Variants in CFAP61 observed in about 807,000 individuals in gnomAD.
CFAP61 encodes cilia and flagella associated protein 61.
CFAP61 carries 107 observed loss-of-function variants against 135.6 expected under a neutral mutation model. The observed-to-expected ratio is 0.79, with a 90% confidence interval of 0.67 to 0.93. The LOEUF is 0.93. CFAP61 is among the 40% of genes least tolerant of loss of function. The probability of loss-of-function intolerance (pLI) is 0.00; values close to 1 mark genes in which losing one functional copy is unlikely to be tolerated. For missense variants in CFAP61, 1,507 were observed against 1,556.2 expected (o/e 0.97, Z 0.53); for synonymous variants, 575 against 578.5 (o/e 0.99, Z 0.09).
At chr20:20,328,476 G>C (rs866612257) in intron 25 of CFAP61, among the ~76,000 whole-genome samples, 89 of 152,102 alleles carry the variant, frequency 5.9e-4, no homozygotes, top group African/African-American at 1.9e-3. Flanking sequence ...ATTGGCCTTG[G>C]CCTTGACTTT....
intron 21 of CFAP61, among the ~76,000 whole-genome samples, chr20:20,269,556 G>C (rs1485905460): frequency 6.6e-6 from 1 of 152,050 alleles, no homozygotes; most frequent in African/African-American, 2.4e-5. Context: ...ATTTTTAGTA[G>C]AGATGGGGTT....
chr20:20,216,446 A>G (rs1011026752), intron 17 of CFAP61, among the ~76,000 whole-genome samples: 3 of 152,136 alleles, frequency 2.0e-5, no homozygotes, highest in African/African-American at 7.2e-5. Context: ...CAAAAGGGAG[A>G]ATTTCCCGAG....
chr20:20,222,789 A>C (rs1449214151), intron 17 of CFAP61, among the ~76,000 whole-genome samples: 1 of 152,196 alleles, frequency 6.6e-6, no homozygotes, highest in Non-Finnish European at 1.5e-5. Context: ...ATATTGCAAT[A>C]CTTTGCCTCA....
At chr20:20,219,114 A>G (rs566678667) in intron 17 of CFAP61, among the ~76,000 whole-genome samples, 5 of 152,210 alleles carry the variant, frequency 3.3e-5, no homozygotes, top group Non-Finnish European at 5.9e-5. Flanking sequence ...TAATATCGAA[A>G]TGACCAATCC....
chr20:20,207,390 A>G (rs142866437), intron 17 of CFAP61, among the ~76,000 whole-genome samples: 260 of 152,358 alleles, frequency 1.7e-3, no homozygotes, highest in Middle Eastern at 6.8e-3. Context: ...GGGGGAAAAA[A>G]AATGCATTCT....
At chr20:20,171,908 CGTA>C (rs1307946147) in intron 13 of CFAP61, 11 of 566,464 alleles carry the variant, frequency 1.9e-5, no homozygotes, top group African/African-American at 1.8e-4. Flanking sequence ...CTCGGAGCAC[CGTA>C]GCCACATTGC....
At position 20,359,301 on chromosome 20, in the gene CFAP61, ACTTTTCATATAGGAC is replaced by A. The variant is rs2059387281; in HGVS notation, c.3514-904_3514-890del. ...CTTCTTGGGAATTATAAGCAAGAAA[ACTTTTCATATAGGAC>A]CTTTCAAGTAAAAAGGTTTAATCAC... On this transcript the variant is annotated intron_variant, in intron 26 of 26. Coordinates refer to ENST00000245957, the MANE Select transcript of CFAP61 (RefSeq NM_015585.4). This position sits in a 1 kb window ranked among gnomAD's most constrained non-coding sequence, Gnocchi z 4.0. Among the ~76,000 whole-genome samples the A allele has an allele frequency of 6.6e-6, 1 of 152,194 alleles. No homozygotes were observed. Among genetic ancestry groups the A allele is most frequent in the Non-Finnish European group, 1.5e-5 (1 of 68,022 alleles).
intron 2 of CFAP61, among the ~76,000 whole-genome samples, chr20:20,060,601 T>C (rs549877809): frequency 6.6e-6 from 1 of 152,328 alleles, no homozygotes; most frequent in South Asian, 2.1e-4. Context: ...TGGTAAGTGG[T>C]GTGCAAACAG....
chr20:20,065,832 G>A (rs1411004605), intron 2 of CFAP61, among the ~76,000 whole-genome samples: 1 of 152,154 alleles, frequency 6.6e-6, no homozygotes, highest in Non-Finnish European at 1.5e-5. Flanking sequence ...CGGGGGGACA[G>A]AACTGTGCCC....
At chr20:20,335,661 T>C (rs2058160079) in intron 25 of CFAP61, among the ~76,000 whole-genome samples, 1 of 152,216 alleles carries the variant, frequency 6.6e-6, no homozygotes. Context: ...CTGATGTCCA[T>C]GGAACCACCC....
intron 9 of CFAP61, among the ~76,000 whole-genome samples, chr20:20,153,826 T>A (rs534037167): frequency 6.6e-6 from 1 of 151,998 alleles, no homozygotes; most frequent in Admixed American, 6.5e-5. Flanking sequence ...TTCCAGAAGA[T>A]AAAGAAAGAG....
chr20:20,178,054 C>T (rs1427183853), intron 13 of CFAP61, among the ~76,000 whole-genome samples: 2 of 152,182 alleles, frequency 1.3e-5, no homozygotes, highest in African/African-American at 4.8e-5. Context: ...TAATTTCATT[C>T]TTCTTCCCTT....
chr20:20,159,404 C>G lies in CFAP61; in HGVS notation c.986C>G (p.Ala329Gly). 1 of 1,613,994 alleles carries G rather than the reference C, an allele frequency of 6.2e-7. No homozygotes were observed. The highest frequency in any genetic ancestry group is 8.5e-7 in the Non-Finnish European group (1 of 1,179,868). The change falls in exon 10 of 27, where the codon GCT becomes GGT. Residue 329 changes from alanine (A) to glycine (G), a missense_variant. Transcript: ENST00000245957. ...GCCAGAGAAGCTGCATCCGAGGAAGCTTTAACAGCAGTCCAAAGTGGAAAT... is the reference window on the plus strand; with the variant it reads ...GCCAGAGAAGCTGCATCCGAGGAAGGTTTAACAGCAGTCCAAAGTGGAAAT... ...NIAREAASEE[A>G]LTAVQSGNVS...
chr20:20,300,049 A>G (rs996449415), intron 25 of CFAP61, among the ~76,000 whole-genome samples: 2 of 152,182 alleles, frequency 1.3e-5, no homozygotes, highest in Non-Finnish European at 2.9e-5. Context: ...AATGAAGCTG[A>G]AAAATTTCCA....
intron 25 of CFAP61, among the ~76,000 whole-genome samples, chr20:20,315,899 C>A (rs991138051): frequency 4.6e-5 from 7 of 152,198 alleles, no homozygotes; most frequent in African/African-American, 1.7e-4. Flanking sequence ...TGATCTGGAT[C>A]TCTGTTTTGG....
intron 25 of CFAP61, among the ~76,000 whole-genome samples, chr20:20,319,660 T>G (rs1005293450): frequency 2.0e-5 from 3 of 152,218 alleles, no homozygotes; most frequent in Admixed American, 2.0e-4. Flanking sequence ...GTGAGCCAAT[T>G]AAACCTCTTT....
intron 25 of CFAP61, among the ~76,000 whole-genome samples, chr20:20,305,116 C>T (rs1372874382): frequency 1.3e-5 from 2 of 150,560 alleles, no homozygotes; most frequent in Non-Finnish European, 3.0e-5. Flanking sequence ...GCGCCCGCGC[C>T]ACCACCGCCT....
At chr20:20,346,518 CA>C (rs533647243) in intron 26 of CFAP61, among the ~76,000 whole-genome samples, 8,773 of 131,806 alleles carry the variant, frequency 0.067, 892 homozygotes, top group African/African-American at 0.23. Context: ...AACTCCGTCT[CA>C]AAAAAAAAAA....
In CFAP61 at chr20:20,341,677, A is replaced by G. The variant is rs556963580; in HGVS notation, c.3423-154A>G. On this transcript the variant is annotated intron_variant, in intron 25 of 26. Coordinates refer to ENST00000245957, the MANE Select transcript of CFAP61 (RefSeq NM_015585.4). Reference sequence around the variant, plus strand: ...TACAGCAGGAACATCCATTTAAAAAATTGATTGGTCAGGCTGTTCCACAAG... The same window carrying G: ...TACAGCAGGAACATCCATTTAAAAAGTTGATTGGTCAGGCTGTTCCACAAG... Among the ~76,000 whole-genome samples the G allele has an allele frequency of 3.9e-5, 6 of 152,354 alleles. No homozygotes were observed. In the South Asian group the frequency reaches 1.2e-3, roughly 32 times the overall value.
Sources: allele counts gnomAD v4.1 joint callset (sites outside exome capture counted in the v4.1 genomes callset), GRCh38; gene constraint gnomAD v4.1.1; non-coding constraint Gnocchi (gnomAD v3.1); transcripts MANE v1.5; gene names NCBI Gene and HGNC (gene_info 2026-07-23, HGNC 2026-07-21).